The following SPEG variants were observed in gnomAD, a reference collection of about 807,000 sequenced individuals.
SPEG encodes striated muscle preferentially expressed protein kinase.
A neutral mutation model predicts 300.4 loss-of-function variants in SPEG; 114 were observed. That is an observed-to-expected ratio of 0.38 (90% CI 0.33 to 0.44). The LOEUF is 0.44. Ranked by LOEUF, SPEG falls within the 20% of genes least tolerant of loss-of-function variation. The pLI is 1.00. For missense variants in SPEG, 4,201 were observed against 4,586.2 expected, an observed-to-expected ratio of 0.92 and a Z score of 2.43; for synonymous variants, 1,964 against 2,018.9, an observed-to-expected ratio of 0.97 and a Z score of 0.73.
Position 219,478,004 on chromosome 2 carries a change from G to A in SPEG, c.4926G>A (p.Ala1642=), listed in dbSNP as rs762565197. The A allele has an allele frequency of 3.1e-5, 50 of 1,614,096 alleles. No homozygotes were observed. Among genetic ancestry groups the A allele is most frequent in the Non-Finnish European group, 3.6e-5 (43 of 1,180,048 alleles). Residue 1642 remains alanine (A), a synonymous_variant, in exon 22 of 41, where the codon GCG becomes GCA. Transcript: ENST00000312358. ...IPSQAKPKAS[A]RREARLLARL... is the part of the protein sequence containing the mutation. ...GCCAGGCCAAGCCAAAGGCATCAGCGCGTCGGGAGGCCCGGCTGCTGGCCA... is the reference window on the plus strand; with the variant it reads ...GCCAGGCCAAGCCAAAGGCATCAGCACGTCGGGAGGCCCGGCTGCTGGCCA...
intron 35 of SPEG, 29 bp downstream of exon 35, chr2:219,489,250 G>A: frequency 6.2e-7 from 1 of 1,613,378 alleles, no homozygotes; most frequent in Non-Finnish European, 8.5e-7. Context: ...GGTGGGAGGA[G>A]GAAGGGGGCT....
intron 6 of SPEG, among the ~76,000 whole-genome samples, chr2:219,460,109 T>G (rs987943318): frequency 1.3e-5 from 2 of 152,126 alleles, no homozygotes; most frequent in African/African-American, 4.8e-5. Flanking sequence ...CTAAGGTGGG[T>G]GGCGGGCAAG....
chr2:219,492,599 G>A lies in SPEG; in HGVS notation c.9617G>A (p.Arg3206Gln), dbSNP rs1411781409. Residue 3206 changes from arginine to glutamine, a missense_variant, in exon 41 of 41, where the codon CGG becomes CAG. Arg to Gln is a conservative substitution (Grantham distance 43). Around this residue, in one of 4 missense-constraint regions of SPEG, gnomAD observed 318 missense variants for 429.5 expected, o/e 0.74. Coordinates refer to ENST00000312358, the MANE Select transcript of SPEG (RefSeq NM_005876.5). Reference protein sequence around the residue: ...RKVLSVHPWSRPSLQDCLAHP... With the variant: ...RKVLSVHPWSQPSLQDCLAHP... ...TCCCTGGCTCTGCCTGGCAGGAGCC[G>A]GCCCTCCCTGCAGGACTGCCTGGCC... 5 of 1,608,544 alleles carry A rather than the reference G, an allele frequency of 3.1e-6. No individual in the cohort carries two copies. Among genetic ancestry groups the A allele is most frequent in the Admixed American group, 1.7e-5 (1 of 59,990 alleles).
intron 30 of SPEG, 26 bp from the exon 31 acceptor site, chr2:219,485,320 A>G (rs1404923619): frequency 5.0e-6 from 8 of 1,596,350 alleles, no homozygotes; most frequent in Non-Finnish European, 8.5e-7. Flanking sequence ...GACTGAACAA[A>G]TACTCACGGG....
chr2:219,466,284 CAGGCCAGG>C (rs1190618426), intron 9 of SPEG: 1 of 1,424,848 alleles, frequency 7.0e-7, no homozygotes, highest in East Asian at 2.5e-5. Flanking sequence ...CATGGCTGTG[CAGGCCAGG>C]AGGCCCACAG....
chr2:219,468,539 T>A, intron 10 of SPEG, 39 bp from the exon 11 acceptor site: 1 of 1,599,022 alleles, frequency 6.3e-7, no homozygotes, highest in South Asian at 1.1e-5. Flanking sequence ...CTGGGCCTCC[T>A]TAGCCTTCCC....
intron 3 of SPEG, among the ~76,000 whole-genome samples, chr2:219,447,264 A>T: frequency 6.6e-6 from 1 of 151,854 alleles, no homozygotes; most frequent in East Asian, 1.9e-4. Flanking sequence ...GACTCAAGGT[A>T]GCTTTGCCAG....
intron 1 of SPEG, among the ~76,000 whole-genome samples, chr2:219,435,608 A>G (rs1954697776): frequency 6.6e-6 from 1 of 152,226 alleles, no homozygotes; most frequent in Admixed American, 6.5e-5. Flanking sequence ...GCGGTTGATA[A>G]GCCAAGCCTG....
At chr2:219,487,416 G>A (rs1693539266) in intron 31 of SPEG, among the ~76,000 whole-genome samples, 1 of 152,200 alleles carries the variant, frequency 6.6e-6, no homozygotes. Flanking sequence ...GTTACTCTAT[G>A]GCAGACACTT....
At position 219,445,941 on chromosome 2, in the gene SPEG, A is replaced by G. The variant is rs1161973153; in HGVS notation, c.815+780A>G. Reference sequence around the variant, plus strand: ...GGAGGCACTGGAGCCATTTTTGGAGATTTGGGGCTCGCAGATACAGGAGGG... The same window carrying G: ...GGAGGCACTGGAGCCATTTTTGGAGGTTTGGGGCTCGCAGATACAGGAGGG... On this transcript the variant is annotated intron_variant, in intron 3 of 40. Transcript: ENST00000312358. This position sits in a 1 kb window ranked among gnomAD's most constrained non-coding sequence, Gnocchi z 6.1. Among the ~76,000 whole-genome samples, 1 of 151,094 alleles carries G rather than the reference A, an allele frequency of 6.6e-6. No homozygotes were observed. Among genetic ancestry groups the G allele is most frequent in the Non-Finnish European group, 1.5e-5 (1 of 67,822 alleles).
At position 219,484,157 on chromosome 2, in the gene SPEG, C is replaced by T. The variant is rs371302780; in HGVS notation, c.6694C>T (p.Pro2232Ser). 11 of 1,613,600 alleles carry T rather than the reference C, an allele frequency of 6.8e-6. No homozygotes were observed. The African/African-American group carries it at 8.0e-5, about 12-fold the overall frequency. ...CCGAGCCTCCAAGCCTGCACCACCC[C>T]CCCAGGCCCTGCAAACCCTAGCGCT... Reference protein sequence around the residue: ...PVRASKPAPPPQALQTLALPL... With the variant: ...PVRASKPAPPSQALQTLALPL... Residue 2232 changes from proline to serine, a missense_variant, in exon 30 of 41, where the codon CCC (proline) becomes TCC (serine). Around this residue, in one of 4 missense-constraint regions of SPEG, gnomAD observed 1,578 missense variants for 1,506.0 expected, o/e 1.05. Transcript: ENST00000312358.
Position 219,489,581 on chromosome 2 carries a change from G to T in SPEG, c.8563G>T (p.Ala2855Ser), listed in dbSNP as rs780155053. 2 of 1,613,382 alleles carry T rather than the reference G, an allele frequency of 1.2e-6. No individual in the cohort carries two copies. The highest frequency in any genetic ancestry group is 1.7e-6 in the Non-Finnish European group (2 of 1,179,886). The change falls in exon 36 of 41, where the codon GCC becomes TCC. Residue 2855 changes from alanine to serine, a missense_variant. Physicochemically the swap from Ala to Ser is moderately conservative, Grantham distance 99. Around this residue, in one of 4 missense-constraint regions of SPEG, gnomAD observed 1,578 missense variants for 1,506.0 expected, o/e 1.05. Coordinates refer to ENST00000312358, the MANE Select transcript of SPEG (RefSeq NM_005876.5). ...ACGAAGACACAGGGGCCTGCAGGCTGCCCGGCCAGCGGAGCCCACCCTACC... is the reference window on the plus strand; with the variant it reads ...ACGAAGACACAGGGGCCTGCAGGCTTCCCGGCCAGCGGAGCCCACCCTACC... ...PPRRHRGLQA[A>S]RPAEPTLPST... is the part of the protein sequence containing the mutation.
chr2:219,475,080 G>C (rs901418578), intron 18 of SPEG, among the ~76,000 whole-genome samples: 4 of 151,854 alleles, frequency 2.6e-5, no homozygotes, highest in African/African-American at 9.7e-5. Context: ...CCACCGCCTC[G>C]GGCCTTAGGA....
At chr2:219,461,149 A>G in intron 6 of SPEG, 7 of 925,068 alleles carry the variant, frequency 7.6e-6, no homozygotes, top group Non-Finnish European at 9.0e-6. Context: ...GGAGGGCGTC[A>G]GGGCCCTGGG....
chr2:219,476,485 G>C (rs1692353400), intron 18 of SPEG, among the ~76,000 whole-genome samples: 1 of 152,204 alleles, frequency 6.6e-6, no homozygotes, highest in Non-Finnish European at 1.5e-5. Context: ...TTCATGCAGC[G>C]AGGGGAGCGA....
chr2:219,470,768 T>G (rs1056001462), intron 13 of SPEG, among the ~76,000 whole-genome samples: 19 of 151,098 alleles, frequency 1.3e-4, no homozygotes, highest in African/African-American at 4.4e-4. Flanking sequence ...AAGGTCAAAC[T>G]ATCATTTATT....
rs764243443 is a variant in SPEG, at chr2:219,484,261, C to T, written c.6798C>T (p.Ala2266=). The part of the protein sequence containing the change: ...GHAQGPSQGP[A]APPSEPKPHA... ...CCCAGGGCCCCTCGCAGGGCCCTGC[C>T]GCGCCGCCTTCAGAGCCCAAGCCCC... The change falls in exon 30 of 41, where the codon GCC becomes GCT. Residue 2266 remains alanine, a synonymous_variant. Coordinates refer to ENST00000312358, the MANE Select transcript of SPEG (RefSeq NM_005876.5). 12 of 1,610,094 alleles carry T rather than the reference C, an allele frequency of 7.5e-6. No homozygotes were observed. Among genetic ancestry groups the T allele is most frequent in the East Asian group, 2.2e-5 (1 of 44,838 alleles).
chr2:219,487,161 A>T (rs1693511902), intron 31 of SPEG, among the ~76,000 whole-genome samples: 1 of 151,572 alleles, frequency 6.6e-6, no homozygotes, highest in Non-Finnish European at 1.5e-5. Flanking sequence ...TTCTAAAGGG[A>T]CATTCCCAGG....
intron 13 of SPEG, 111 bp downstream of exon 13, chr2:219,469,490 G>A: frequency 4.5e-6 from 4 of 889,446 alleles, no homozygotes; most frequent in South Asian, 1.7e-5. Context: ...AGCCTGACCA[G>A]GGACAGGGTG....
Sources: gnomAD v4.1 joint callset for allele counts (sites outside exome capture counted in the v4.1 genomes callset) on GRCh38, gnomAD v4.1.1 for gene constraint, gnomAD v4.1.1 regional missense constraint, Gnocchi (gnomAD v3.1) non-coding constraint, MANE v1.5 for transcripts, NCBI Gene and HGNC (gene_info 2026-07-23, HGNC 2026-07-21) for gene names.